The following KIFAP3 variants were observed in gnomAD, a reference collection of about 807,000 sequenced individuals.
KIFAP3 encodes the protein kinesin-associated protein 3.
A neutral mutation model predicts 106.5 loss-of-function variants in KIFAP3; 68 were observed. The ratio of observed to expected loss-of-function variants is 0.64; its 90% confidence interval spans 0.53 to 0.78. KIFAP3 has a LOEUF of 0.78. KIFAP3 is among the 30% of genes least tolerant of loss of function. KIFAP3 has a pLI of 0.00. For missense variants in KIFAP3, 780 were observed against 941.8 expected, an observed-to-expected ratio of 0.83 and a Z score of 2.25; for synonymous variants, 320 against 311.5, an observed-to-expected ratio of 1.03 and a Z score of -0.29.
intron 3 of KIFAP3, among the ~76,000 whole-genome samples, chr1:170,046,261 T>G (rs1670250714): frequency 7.1e-6 from 1 of 140,688 alleles, no homozygotes; most frequent in Admixed American, 7.2e-5. Context: ...TCATGAAAGT[T>G]ATATCTTTAG....
At chr1:169,949,591 TA>T (rs1664626027) in intron 19 of KIFAP3, among the ~76,000 whole-genome samples, 2 of 151,924 alleles carry the variant, frequency 1.3e-5, no homozygotes, top group African/African-American at 4.8e-5. Flanking sequence ...AAAGTTATAA[TA>T]AAAAAATGGT....
chr1:170,007,086 C>G (rs953635616), intron 10 of KIFAP3, among the ~76,000 whole-genome samples: 7 of 152,052 alleles, frequency 4.6e-5, no homozygotes, highest in Non-Finnish European at 8.8e-5. Context: ...GGAACTGTAA[C>G]AAATACTGCT....
intron 2 of KIFAP3, among the ~76,000 whole-genome samples, chr1:170,051,464 G>A (rs1025213058): frequency 1.4e-4 from 21 of 152,296 alleles, no homozygotes; most frequent in African/African-American, 5.1e-4. Context: ...GGATATTCAG[G>A]ACTTGAACTC....
intron 17 of KIFAP3, among the ~76,000 whole-genome samples, chr1:169,965,617 CCT>C (rs1317681499): frequency 6.6e-6 from 1 of 151,778 alleles, no homozygotes; most frequent in Non-Finnish European, 1.5e-5. Context: ...CATTTCACAC[CCT>C]CTTTTAAGAT....
At chr1:169,923,971 C>T (rs1354184105) in intron 19 of KIFAP3, among the ~76,000 whole-genome samples, 1 of 114,130 alleles carries the variant, frequency 8.8e-6, no homozygotes, top group East Asian at 2.7e-4. Flanking sequence ...ATTCTACATT[C>T]AAGTTGCAAA....
chr1:170,054,613 G>A (rs556791593), intron 2 of KIFAP3, among the ~76,000 whole-genome samples: 137 of 152,238 alleles, frequency 9.0e-4, no homozygotes, highest in African/African-American at 1.1e-3. Context: ...TATACATCAC[G>A]GAATAATATG....
intron 16 of KIFAP3, 73 bp from the exon 17 acceptor site, chr1:169,972,671 T>A (rs187366341): frequency 5.8e-6 from 4 of 684,264 alleles, no homozygotes; most frequent in Non-Finnish European, 7.2e-6. Flanking sequence ...AAAAATCTCA[T>A]ATTTTTCTAA....
chr1:169,952,504 T>C (rs1429304766), intron 19 of KIFAP3, among the ~76,000 whole-genome samples: 1 of 152,066 alleles, frequency 6.6e-6, no homozygotes, highest in African/African-American at 2.4e-5. Context: ...CAAATATGTA[T>C]GTATGCATTA....
At chr1:169,942,149 TG>T (rs1158015963) in intron 19 of KIFAP3, among the ~76,000 whole-genome samples, 4 of 152,156 alleles carry the variant, frequency 2.6e-5, no homozygotes, top group Non-Finnish European at 5.9e-5. Context: ...TTCTCTATAA[TG>T]AAAACTGAAA....
upstream of KIFAP3, among the ~76,000 whole-genome samples, chr1:170,077,885 G>GTTTTTT (rs80179703): frequency 6.9e-6 from 1 of 144,610 alleles, no homozygotes. Context: ...TTTCGGTCCT[G>GTTTTTT]TTTTTTTTTT....
upstream of KIFAP3, among the ~76,000 whole-genome samples, chr1:170,078,307 T>C (rs1322997643): frequency 6.6e-6 from 1 of 152,180 alleles, no homozygotes; most frequent in African/African-American, 2.4e-5. Flanking sequence ...TGATTATTAA[T>C]GGTATGAGCA....
chr1:170,047,475 G>T (rs1015781944), intron 2 of KIFAP3, among the ~76,000 whole-genome samples: 4 of 151,864 alleles, frequency 2.6e-5, no homozygotes, highest in South Asian at 2.1e-4. Flanking sequence ...CAAAAAATTT[G>T]CCAGGTGTGG....
At chr1:169,954,388 T>C (rs1183980093) in intron 18 of KIFAP3, among the ~76,000 whole-genome samples, 2 of 152,060 alleles carry the variant, frequency 1.3e-5, no homozygotes, top group African/African-American at 4.8e-5. Context: ...TCAAGCAGGC[T>C]TATGGTCTCG....
In KIFAP3 at chr1:169,921,573, C is replaced by T; in HGVS notation, c.*103G>A. Reference sequence around the variant, plus strand: ...ATATAAAAATAAAAACAAACACAGACCCACAATAACATCAACATGCATTAT... The same window carrying T: ...ATATAAAAATAAAAACAAACACAGATCCACAATAACATCAACATGCATTAT... On this transcript the variant is annotated 3_prime_UTR_variant, in exon 20 of 20. Coordinates refer to ENST00000361580, the MANE Select transcript of KIFAP3 (RefSeq NM_014970.4). 4.8e-6 allele frequency: 4 copies of T among 828,482 alleles called. No individual in the cohort carries two copies. Among genetic ancestry groups the T allele is most frequent in the South Asian group, 4.7e-5 (3 of 64,026 alleles). The allele number at this position is 828,482 out of a possible 1,614,324, so 51.3% of individuals were successfully genotyped here.
chr1:169,949,313 A>T (rs931607182), intron 19 of KIFAP3, among the ~76,000 whole-genome samples: 13 of 152,102 alleles, frequency 8.5e-5, no homozygotes, highest in African/African-American at 3.1e-4. Flanking sequence ...TAATGCATAC[A>T]TCTAGTTTGT....
At chr1:169,961,831 T>A (rs1665353497) in intron 17 of KIFAP3, among the ~76,000 whole-genome samples, 1 of 152,196 alleles carries the variant, frequency 6.6e-6, no homozygotes, top group Admixed American at 6.5e-5. Context: ...ATACAGTATA[T>A]AATACATATA....
intron 10 of KIFAP3, among the ~76,000 whole-genome samples, chr1:170,007,967 C>A (rs1668055794): frequency 6.6e-6 from 1 of 152,098 alleles, no homozygotes; most frequent in Non-Finnish European, 1.5e-5. Flanking sequence ...TAATGCCAAA[C>A]ATCTACAACC....
At chr1:169,934,253 T>G (rs1329526770) in intron 19 of KIFAP3, among the ~76,000 whole-genome samples, 1 of 152,152 alleles carries the variant, frequency 6.6e-6, no homozygotes, top group Non-Finnish European at 1.5e-5. Context: ...TAATTGTTGT[T>G]GCACTAAAAT....
At chr1:170,022,230 T>A (rs1668878393) in intron 9 of KIFAP3, among the ~76,000 whole-genome samples, 1 of 152,062 alleles carries the variant, frequency 6.6e-6, no homozygotes, top group Non-Finnish European at 1.5e-5. Flanking sequence ...ATTACAGGCA[T>A]TAGTCATCCT....
Sources: allele counts gnomAD v4.1 joint callset (sites outside exome capture counted in the v4.1 genomes callset), GRCh38; gene constraint gnomAD v4.1.1; transcripts MANE v1.5; gene names NCBI Gene and HGNC (gene_info 2026-07-23, HGNC 2026-07-21).